The following GRIA2 variants were observed in gnomAD, a reference collection of about 807,000 sequenced individuals.
The protein encoded by GRIA2 is glutamate ionotropic receptor AMPA type subunit 2, also known as glutamate receptor 2.
Under a neutral mutation model 97.3 loss-of-function variants are expected in GRIA2, and 14 were observed. That is an observed-to-expected ratio of 0.14 (90% CI 0.10 to 0.23). The LOEUF (loss-of-function observed/expected upper bound fraction) is 0.23. GRIA2 is among the 10% of genes least tolerant of loss of function. The pLI, the probability that GRIA2 is intolerant of heterozygous loss-of-function variation, is 1.00. For missense variants in GRIA2, 558 were observed against 1,069.8 expected (o/e 0.52, Z 6.67); for synonymous variants, 412 against 387.8 (o/e 1.06, Z -0.73).
chr4:157,270,411 T>C (rs905731203), intron 2 of GRIA2, among the ~76,000 whole-genome samples: 1 of 152,142 alleles, frequency 6.6e-6, no homozygotes, highest in Non-Finnish European at 1.5e-5. Context: ...CAATTTGTGG[T>C]AGAAATTGTT....
chr4:157,291,427 A>G (rs185386293), intron 2 of GRIA2, among the ~76,000 whole-genome samples: 1 of 152,080 alleles, frequency 6.6e-6, no homozygotes, highest in Admixed American at 6.6e-5. Flanking sequence ...TGTAACTTGC[A>G]ATATATTTTC....
intron 2 of GRIA2, among the ~76,000 whole-genome samples, chr4:157,225,351 C>A (rs1266815156): frequency 6.6e-6 from 1 of 151,924 alleles, no homozygotes; most frequent in East Asian, 1.9e-4. Flanking sequence ...CTTTTCCTCT[C>A]TCCCCTCACT....
chr4:157,234,038 G>T (rs1730136411), intron 2 of GRIA2, among the ~76,000 whole-genome samples: 1 of 152,050 alleles, frequency 6.6e-6, no homozygotes, highest in African/African-American at 2.4e-5. Context: ...AAACAGACAT[G>T]AATTAAAATT....
chr4:157,278,517 C>T (rs899675127), intron 2 of GRIA2, among the ~76,000 whole-genome samples: 2 of 151,856 alleles, frequency 1.3e-5, no homozygotes, highest in Non-Finnish European at 2.9e-5. Flanking sequence ...ACTATAAATT[C>T]CTAGACAGTA....
intron 2 of GRIA2, among the ~76,000 whole-genome samples, chr4:157,298,611 C>CTTTTTTTTT (rs67497887): frequency 2.9e-5 from 1 of 34,314 alleles, no homozygotes; most frequent in Non-Finnish European, 5.0e-5. Context: ...TGAAGCTAAG[C>CTTTTTTTTT]TTTTTTTTTT....
intron 2 of GRIA2, among the ~76,000 whole-genome samples, chr4:157,282,485 A>C (rs773806268): frequency 1.3e-5 from 2 of 152,098 alleles, no homozygotes; most frequent in Non-Finnish European, 2.9e-5. Context: ...TTAAGAATGA[A>C]GAAAATAGTG....
intron 2 of GRIA2, among the ~76,000 whole-genome samples, chr4:157,243,960 T>G (rs1460122538): frequency 1.3e-5 from 2 of 151,836 alleles, no homozygotes; most frequent in African/African-American, 4.8e-5. Flanking sequence ...AGATTATAGC[T>G]TGAGAAATGC....
At chr4:157,313,567 A>G (rs541253418) in intron 4 of GRIA2, among the ~76,000 whole-genome samples, 2 of 152,190 alleles carry the variant, frequency 1.3e-5, no homozygotes, top group East Asian at 1.9e-4. Flanking sequence ...GGAGCCATGC[A>G]GTGTTATCTT....
chr4:157,221,557 C>T lies in GRIA2; in HGVS notation c.89-110C>T. 2.7e-6 allele frequency: 3 copies of T among 1,100,674 alleles called. No homozygotes were observed. The East Asian group carries it at 7.1e-5, about 26-fold the overall frequency. 68.2% of individuals were successfully genotyped at this position (1,100,674 alleles called of 1,614,324 possible). Reference sequence around the variant, plus strand: ...CGAGTCCGTAGGTGTGTTTATTCGGCCTATTCGCGTGAATAAGAGACTCTT... The same window carrying T: ...CGAGTCCGTAGGTGTGTTTATTCGGTCTATTCGCGTGAATAAGAGACTCTT... On this transcript the variant is annotated intron_variant, in intron 1 of 15. Transcript: ENST00000264426.
intron 2 of GRIA2, among the ~76,000 whole-genome samples, chr4:157,258,414 C>T (rs1731378689): frequency 6.6e-6 from 1 of 152,036 alleles, no homozygotes; most frequent in African/African-American, 2.4e-5. Context: ...GCCCCAGTCT[C>T]CTGTAGCGCT....
At chr4:157,322,279 G>A (rs1023983788) in intron 6 of GRIA2, among the ~76,000 whole-genome samples, 2 of 143,718 alleles carry the variant, frequency 1.4e-5, no homozygotes, top group African/African-American at 5.2e-5. Context: ...GTGTGTGTGT[G>A]TGTATAAAAT....
In GRIA2 at chr4:157,250,596, G is replaced by A. The variant is rs570440647; in HGVS notation, c.229+28789G>A. ...GGGGCTACCTACTTTTAAAGTTCACGAGATACAGATCTATATAGATGACAA... is the reference window on the plus strand; with the variant it reads ...GGGGCTACCTACTTTTAAAGTTCACAAGATACAGATCTATATAGATGACAA... On this transcript the variant is annotated intron_variant, in intron 2 of 15. Coordinates refer to ENST00000264426, the MANE Select transcript of GRIA2 (RefSeq NM_001083619.3). Among the ~76,000 whole-genome samples the A allele has an allele frequency of 1.2e-4, 18 of 152,058 alleles. No individual in the cohort carries two copies. In the South Asian group the frequency reaches 2.7e-3, roughly 23 times the overall value.
intron 2 of GRIA2, among the ~76,000 whole-genome samples, chr4:157,228,790 C>CAA (rs5863257): frequency 0.09 from 3,529 of 39,292 alleles, 404 homozygotes; most frequent in Middle Eastern, 0.17. Context: ...GATTCCATCT[C>CAA]AAAAAAAAAA....
At chr4:157,294,193 C>CT (rs59119203) in intron 2 of GRIA2, among the ~76,000 whole-genome samples, 52,160 of 144,020 alleles carry the variant, frequency 0.36, 9,346 homozygotes, top group African/African-American at 0.39. Flanking sequence ...AAAGTTCTGT[C>CT]TTTTTTTTTT....
At chr4:157,308,607 T>G (rs1392271195) in intron 3 of GRIA2, among the ~76,000 whole-genome samples, 1 of 152,212 alleles carries the variant, frequency 6.6e-6, no homozygotes, top group Non-Finnish European at 1.5e-5. Context: ...AATATCCTAA[T>G]GTAGTACTAT....
At chr4:157,313,655 A>G (rs1734184447) in intron 4 of GRIA2, among the ~76,000 whole-genome samples, 1 of 152,048 alleles carries the variant, frequency 6.6e-6, no homozygotes, top group Non-Finnish European at 1.5e-5. Flanking sequence ...CATCAACATT[A>G]TGATTGATTG....
At chr4:157,220,668 GTGT>G, upstream of GRIA2, 1 of 267,124 alleles carries the variant, frequency 3.7e-6, no homozygotes, top group Non-Finnish European at 7.2e-6. Context: ...GTGTGTGTGT[GTGT>G]GTGCGCGCGC....
chr4:157,263,033 A>G (rs902192874), intron 2 of GRIA2, among the ~76,000 whole-genome samples: 12 of 152,124 alleles, frequency 7.9e-5, no homozygotes, highest in Non-Finnish European at 1.5e-4. Flanking sequence ...CTTACTAAAA[A>G]TATGACTTTT....
intron 2 of GRIA2, among the ~76,000 whole-genome samples, chr4:157,299,878 TC>T (rs1733536574): frequency 6.6e-6 from 1 of 152,186 alleles, no homozygotes. Flanking sequence ...TAAATGCAAT[TC>T]TAATATTAAT....
Sources: allele counts gnomAD v4.1 joint callset (sites outside exome capture counted in the v4.1 genomes callset), GRCh38; gene constraint gnomAD v4.1.1; transcripts MANE v1.5; gene names NCBI Gene and HGNC (gene_info 2026-07-23, HGNC 2026-07-21).